Variants in GPD2 observed in about 807,000 individuals in gnomAD.
The protein encoded by GPD2 is glycerol-3-phosphate dehydrogenase 2.
Under a neutral mutation model 82.4 loss-of-function variants are expected in GPD2, and 54 were observed. That is an observed-to-expected ratio of 0.66 (90% CI 0.53 to 0.82). GPD2 has a LOEUF of 0.82. Among genes scored for constraint, GPD2 ranks in the 40% least tolerant of loss-of-function variants. The pLI, the probability that GPD2 is intolerant of heterozygous loss-of-function variation, is 0.00. For synonymous variants in GPD2, 288 were observed against 306.1 expected (o/e 0.94, Z 0.62); for missense variants, 748 against 896.2 (o/e 0.83, Z 2.11).
At chr2:156,549,872 C>T (rs1025952630) in intron 7 of GPD2, 100 bp downstream of exon 7, 21 of 880,204 alleles carry the variant, frequency 2.4e-5, no homozygotes, top group Non-Finnish European at 3.9e-5. Flanking sequence ...TCATTTATGC[C>T]ACGCTTCAGA....
At chr2:156,411,242 G>C in the GPD2 span, among the ~76,000 whole-genome samples, 3 of 152,076 alleles carry the variant, frequency 2.0e-5, no homozygotes, top group Non-Finnish European at 4.4e-5. Context: ...ACTTGTCTAG[G>C]CTCCATAACA....
chr2:156,520,865 C>T (rs917077508), intron 6 of GPD2, among the ~76,000 whole-genome samples: 1 of 152,106 alleles, frequency 6.6e-6, no homozygotes, highest in South Asian at 2.1e-4. Flanking sequence ...GGATTGCAGG[C>T]GTGAGCCACC....
At chr2:156,439,786 G>T (rs1334763757) in intron 1 of GPD2, among the ~76,000 whole-genome samples, 1 of 151,820 alleles carries the variant, frequency 6.6e-6, no homozygotes, top group Non-Finnish European at 1.5e-5. Context: ...GGCAGAGGTT[G>T]CAGTGAGTCA....
intron 3 of GPD2, among the ~76,000 whole-genome samples, chr2:156,497,297 C>T (rs888519024): frequency 3.9e-5 from 6 of 152,138 alleles, no homozygotes; most frequent in African/African-American, 1.4e-4. Context: ...CGGTGCTTGT[C>T]ACACAAAGTA....
intron 6 of GPD2, among the ~76,000 whole-genome samples, chr2:156,515,192 C>A (rs1396304279): frequency 6.6e-6 from 1 of 152,030 alleles, no homozygotes; most frequent in East Asian, 1.9e-4. Flanking sequence ...GCAGCCAGAT[C>A]ACTTGACCCC....
chr2:156,563,966 T>C (rs1313982878), intron 9 of GPD2, among the ~76,000 whole-genome samples: 1 of 152,168 alleles, frequency 6.6e-6, no homozygotes, highest in Non-Finnish European at 1.5e-5. Context: ...GGCTAGCGAA[T>C]TGGATCGTGG....
chr2:156,451,877 C>CGGG, intron 1 of GPD2, among the ~76,000 whole-genome samples: 1 of 150,082 alleles, frequency 6.7e-6, no homozygotes, highest in African/African-American at 2.5e-5. Flanking sequence ...ACTTCTCAGA[C>CGGG]GGGGCGGCCG....
At chr2:156,492,147 CTTTTTTTTTT>C (rs770947790) in intron 2 of GPD2, among the ~76,000 whole-genome samples, 1 of 75,470 alleles carries the variant, frequency 1.3e-5, no homozygotes, top group African/African-American at 5.4e-5. Flanking sequence ...CCCTCCCTAC[CTTTTTTTTTT>C]TTTTTTTTTT....
At chr2:156,470,359 C>G (rs1225891090) in intron 1 of GPD2, among the ~76,000 whole-genome samples, 1 of 152,010 alleles carries the variant, frequency 6.6e-6, no homozygotes, top group Admixed American at 6.6e-5. Flanking sequence ...CCATGCCCAG[C>G]TAATTTTTAA....
At chr2:156,451,233 G>C (rs62176569) in intron 1 of GPD2, among the ~76,000 whole-genome samples, 88,165 of 150,776 alleles carry the variant, frequency 0.58, 26,067 homozygotes, top group East Asian at 0.77. Flanking sequence ...CCTCCCAGTA[G>C]GGGTGGCCGG....
chr2:156,412,860 G>T, the GPD2 span, among the ~76,000 whole-genome samples: 1 of 152,164 alleles, frequency 6.6e-6, no homozygotes, highest in Non-Finnish European at 1.5e-5. Context: ...ACTCTGAGAG[G>T]CTGAGACAGG....
chr2:156,413,699 G>A, the GPD2 span, among the ~76,000 whole-genome samples: 38 of 152,108 alleles, frequency 2.5e-4, no homozygotes, highest in Non-Finnish European at 4.3e-4. Context: ...AAGGTCGGGA[G>A]TCCAAGACCA....
chr2:156,413,673 G>A, the GPD2 span, among the ~76,000 whole-genome samples: 2 of 152,216 alleles, frequency 1.3e-5, no homozygotes, highest in Non-Finnish European at 2.9e-5. Context: ...GGGAGGCAGA[G>A]GTGGGCGGAT....
Position 156,476,183 on chromosome 2 carries a change from G to A in GPD2, c.78G>A (p.Gln26=). Residue 26 remains glutamine (Q), a synonymous_variant, in exon 2 of 17, where the codon CAG becomes CAA. Transcript: ENST00000438166. ...TTGCAACTGTTTTAGGACTTTCTCA[G>A]TTTGCTCATTACAGAAGGAAACAAG... ...GALATVLGLS[Q]FAHYRRKQMN... The A allele has an allele frequency of 6.2e-7, 1 of 1,601,228 alleles. No homozygotes were observed. Among genetic ancestry groups the A allele is most frequent in the East Asian group, 2.2e-5 (1 of 44,758 alleles).
chr2:156,419,463 G>A, the GPD2 span, among the ~76,000 whole-genome samples: 2 of 152,232 alleles, frequency 1.3e-5, no homozygotes, highest in Non-Finnish European at 2.9e-5. Flanking sequence ...AAGGAGAAAA[G>A]CTTCAACATT....
At chr2:156,563,412 A>G (rs1241603742) in intron 9 of GPD2, among the ~76,000 whole-genome samples, 1 of 152,142 alleles carries the variant, frequency 6.6e-6, no homozygotes, top group Non-Finnish European at 1.5e-5. Flanking sequence ...CATAGAGGCC[A>G]TGAGTTATGT....
chr2:156,408,340 G>C, the GPD2 span, among the ~76,000 whole-genome samples: 1 of 152,112 alleles, frequency 6.6e-6, no homozygotes, highest in Non-Finnish European at 1.5e-5. Context: ...TGGAAAGTTT[G>C]CAGTTTAGGA....
chr2:156,419,338 C>T, the GPD2 span, among the ~76,000 whole-genome samples: 4 of 152,172 alleles, frequency 2.6e-5, no homozygotes, highest in Admixed American at 6.5e-5. Flanking sequence ...GGATTACAGG[C>T]GTGAGCCACC....
At chr2:156,517,486 T>C (rs1685242861) in intron 6 of GPD2, among the ~76,000 whole-genome samples, 1 of 152,248 alleles carries the variant, frequency 6.6e-6, no homozygotes, top group Admixed American at 6.5e-5. Context: ...CAGTTGTATT[T>C]CCTTCTTATA....
Sources: gnomAD v4.1 joint callset for allele counts (sites outside exome capture counted in the v4.1 genomes callset) on GRCh38, gnomAD v4.1.1 for gene constraint, MANE v1.5 for transcripts, NCBI Gene and HGNC (gene_info 2026-07-23, HGNC 2026-07-21) for gene names.